Variants in PARD3B observed in about 807,000 individuals in gnomAD.
PARD3B encodes the protein partitioning defective 3 homolog B.
PARD3B carries 103 observed loss-of-function variants against 130.2 expected under a neutral mutation model. The observed-to-expected ratio is 0.79, with a 90% confidence interval of 0.67 to 0.93. The LOEUF (loss-of-function observed/expected upper bound fraction) is 0.93, where lower values mean the gene tolerates loss of function less well. Among genes scored for constraint, PARD3B ranks in the 40% least tolerant of loss-of-function variants. The pLI is 0.00. For missense variants in PARD3B, 1,609 were observed against 1,499.2 expected (o/e 1.07, Z -1.21); for synonymous variants, 583 against 553.2 (o/e 1.05, Z -0.76).
intron 18 of PARD3B, among the ~76,000 whole-genome samples, chr2:205,337,887 T>C (rs1443752041): frequency 1.3e-5 from 2 of 151,838 alleles, no homozygotes; most frequent in Non-Finnish European, 2.9e-5. Context: ...TGGTGGCTCA[T>C]GCCTGTAAGC....
At chr2:204,864,056 G>A (rs902026845) in intron 2 of PARD3B, among the ~76,000 whole-genome samples, 9 of 152,086 alleles carry the variant, frequency 5.9e-5, no homozygotes, top group Non-Finnish European at 1.0e-4. Context: ...TCTTGATAGC[G>A]CTTCACTGGG....
intron 11 of PARD3B, among the ~76,000 whole-genome samples, chr2:205,162,816 G>C (rs1043031669): frequency 6.6e-6 from 1 of 152,130 alleles, no homozygotes; most frequent in Admixed American, 6.5e-5. Flanking sequence ...TTTTGTCCAG[G>C]AAAGCACAAA....
chr2:204,694,465 T>C (rs1289750962), intron 2 of PARD3B, among the ~76,000 whole-genome samples: 1 of 152,074 alleles, frequency 6.6e-6, no homozygotes, highest in Non-Finnish European at 1.5e-5. Flanking sequence ...TTTTAGCCCA[T>C]AGACTTCTTA....
chr2:204,783,257 T>C (rs12053478), intron 2 of PARD3B, among the ~76,000 whole-genome samples: 4,738 of 152,158 alleles, frequency 0.031, 127 homozygotes, highest in East Asian at 0.17. Context: ...TCATAATCAG[T>C]GTATATTAGT....
At chr2:204,885,746 G>A (rs1393083553) in intron 2 of PARD3B, among the ~76,000 whole-genome samples, 1 of 152,188 alleles carries the variant, frequency 6.6e-6, no homozygotes, top group African/African-American at 2.4e-5. Context: ...TAGGTATCTA[G>A]TTGGGGGCCT....
intron 1 of PARD3B, among the ~76,000 whole-genome samples, chr2:204,565,893 A>G (rs916642406): frequency 6.6e-6 from 1 of 152,208 alleles, no homozygotes; most frequent in African/African-American, 2.4e-5. Context: ...AGAATGCTTT[A>G]TGTGTACTTC....
chr2:204,910,011 C>G (rs2047176114), intron 2 of PARD3B, among the ~76,000 whole-genome samples: 1 of 152,082 alleles, frequency 6.6e-6, no homozygotes, highest in Non-Finnish European at 1.5e-5. Context: ...TGTGTATAAG[C>G]TGTTTAGATG....
chr2:204,902,526 G>A (rs548266531), intron 2 of PARD3B, among the ~76,000 whole-genome samples: 7 of 151,948 alleles, frequency 4.6e-5, no homozygotes, highest in East Asian at 3.9e-4. Context: ...AACATTAGCC[G>A]GGCGTGGTGG....
chr2:205,506,763 T>C lies in PARD3B; in HGVS notation c.3180+6732T>C, dbSNP rs569491911. 7.2e-5 allele frequency among the ~76,000 whole-genome samples: 11 copies of C among 152,362 alleles called. No individual in the cohort carries two copies. The South Asian group carries it at 1.9e-3, about 26-fold the overall frequency. On this transcript the variant is annotated intron_variant, in intron 21 of 22. Transcript: ENST00000406610. ...TTGTCTCCTCCTTAAAAGCATCTGA[T>C]AAAAACTAAGTACATTGATGAACAA...
intron 21 of PARD3B, among the ~76,000 whole-genome samples, chr2:205,535,772 C>T (rs572504315): frequency 6.6e-6 from 1 of 152,286 alleles, no homozygotes; most frequent in East Asian, 1.9e-4. Flanking sequence ...ATTCCTCAGG[C>T]AATAGCCAAG....
chr2:205,119,080 T>C (rs199663525), intron 7 of PARD3B, 34 bp downstream of exon 7: 1 of 1,579,718 alleles, frequency 6.3e-7, no homozygotes, highest in East Asian at 2.3e-5. Context: ...TTTACTTTCT[T>C]GATCCCTAGC....
intron 2 of PARD3B, among the ~76,000 whole-genome samples, chr2:204,766,752 T>C (rs895541319): frequency 2.6e-5 from 4 of 151,672 alleles, no homozygotes; most frequent in Non-Finnish European, 5.9e-5. Flanking sequence ...TTTGTTATGC[T>C]TTGCAAAGTA....
chr2:205,259,466 T>C (rs1451525981), intron 16 of PARD3B, among the ~76,000 whole-genome samples: 1 of 152,172 alleles, frequency 6.6e-6, no homozygotes, highest in Non-Finnish European at 1.5e-5. Flanking sequence ...CTTTGATAAG[T>C]CTTTTATCTC....
At chr2:205,186,912 A>C (rs1261147230) in intron 14 of PARD3B, among the ~76,000 whole-genome samples, 4 of 152,216 alleles carry the variant, frequency 2.6e-5, no homozygotes, top group South Asian at 4.1e-4. Flanking sequence ...AAAGCCATTT[A>C]AAACATAATT....
chr2:205,267,234 A>G (rs915749586), intron 16 of PARD3B, among the ~76,000 whole-genome samples: 1 of 152,156 alleles, frequency 6.6e-6, no homozygotes, highest in Non-Finnish European at 1.5e-5. Flanking sequence ...TTTAACATTT[A>G]TATGCTCTTG....
In PARD3B at chr2:205,440,669, A is replaced by T. The variant is rs1559096651; in HGVS notation, c.3041A>T (p.Asp1014Val). 1 of 1,610,714 alleles carries T rather than the reference A, an allele frequency of 6.2e-7. No individual in the cohort carries two copies. The highest frequency in any genetic ancestry group is 8.5e-7 in the Non-Finnish European group (1 of 1,177,060). Residue 1014 changes from aspartate to valine, a missense_variant, in exon 20 of 23, where the codon GAC becomes GTC. Physicochemically the swap from Asp to Val is radical, Grantham distance 152 (BLOSUM62 -3). Coordinates refer to ENST00000406610, the MANE Select transcript of PARD3B (RefSeq NM_001302769.2). This position sits in a 1 kb window ranked among gnomAD's most constrained non-coding sequence, Gnocchi z 4.2. ...NKPYHPLVPA[D>V]SGRPTGGSTD... Reference sequence around the variant, plus strand: ...CCATACCATCCACTGGTTCCAGCTGACAGGTAATAAACTTAGTGAAAGATA... The same window carrying T: ...CCATACCATCCACTGGTTCCAGCTGTCAGGTAATAAACTTAGTGAAAGATA...
intron 19 of PARD3B, among the ~76,000 whole-genome samples, chr2:205,432,544 C>T (rs920689445): frequency 9.2e-5 from 14 of 152,176 alleles, no homozygotes; most frequent in African/African-American, 2.9e-4. Flanking sequence ...TCTGCTGTCT[C>T]TCTACCTGGA....
At chr2:205,566,872 G>A (rs149361814) in intron 22 of PARD3B, among the ~76,000 whole-genome samples, 175 of 152,276 alleles carry the variant, frequency 1.1e-3, no homozygotes, top group African/African-American at 3.9e-3. Context: ...TGCTTAGATC[G>A]ACAGCAAAGG....
At chr2:204,627,708 A>G (rs1026149020) in intron 1 of PARD3B, among the ~76,000 whole-genome samples, 2 of 152,188 alleles carry the variant, frequency 1.3e-5, no homozygotes, top group Admixed American at 6.5e-5. Context: ...ATCTCCTGGT[A>G]TGAATATACT....
Sources: gnomAD v4.1 joint callset for allele counts (sites outside exome capture counted in the v4.1 genomes callset) on GRCh38, gnomAD v4.1.1 for gene constraint, Gnocchi (gnomAD v3.1) non-coding constraint, MANE v1.5 for transcripts, NCBI Gene and HGNC (gene_info 2026-07-23, HGNC 2026-07-21) for gene names.